Variants in COL19A1 observed in about 807,000 individuals in gnomAD.
The protein encoded by COL19A1 is collagen alpha-1(XIX) chain.
COL19A1 carries 159 observed loss-of-function variants against 190.2 expected under a neutral mutation model. The observed-to-expected ratio is 0.84, with a 90% CI of 0.73 to 0.95. The LOEUF (loss-of-function observed/expected upper bound fraction) is 0.95, where lower values mean the gene tolerates loss of function less well. COL19A1 is among the 40% of genes least tolerant of loss of function. The pLI is 0.00. For missense variants in COL19A1, 1,418 were observed against 1,431.9 expected (o/e 0.99, Z 0.16); for synonymous variants, 509 against 458.9 (o/e 1.11, Z -1.39).
intron 15 of COL19A1, among the ~76,000 whole-genome samples, chr6:70,081,923 G>GT (rs1045551268): frequency 6.6e-6 from 1 of 152,154 alleles, no homozygotes; most frequent in African/African-American, 2.4e-5. Flanking sequence ...AATGTAATGT[G>GT]TTTTTTAATG....
intron 4 of COL19A1, among the ~76,000 whole-genome samples, chr6:69,909,886 A>G (rs749601555): frequency 2.1e-4 from 32 of 152,108 alleles, no homozygotes; most frequent in Non-Finnish European, 4.4e-4. Flanking sequence ...TTTAGACTCC[A>G]TTGCTCACAT....
intron 40 of COL19A1, among the ~76,000 whole-genome samples, chr6:70,170,633 G>A (rs1325868309): frequency 2.0e-5 from 3 of 152,136 alleles, no homozygotes; most frequent in Non-Finnish European, 4.4e-5. Context: ...GAATCAAAGA[G>A]TGTGTTTCCT....
intron 4 of COL19A1, among the ~76,000 whole-genome samples, chr6:69,912,382 C>T (rs1348773565): frequency 1.3e-5 from 2 of 152,194 alleles, no homozygotes; most frequent in Non-Finnish European, 2.9e-5. Flanking sequence ...TTTCTACATA[C>T]ATCACTGCTT....
At chr6:70,193,960 A>G (rs530453138) in intron 48 of COL19A1, among the ~76,000 whole-genome samples, 30 of 152,234 alleles carry the variant, frequency 2.0e-4, no homozygotes, top group Non-Finnish European at 3.7e-4. Flanking sequence ...TCTAAAAGCA[A>G]AGATTAATTT....
At chr6:70,124,552 T>G (rs1785079042) in intron 17 of COL19A1, among the ~76,000 whole-genome samples, 2 of 144,470 alleles carry the variant, frequency 1.4e-5, no homozygotes, top group Non-Finnish European at 3.0e-5. Context: ...TAAGGTTATA[T>G]TTCAAAAAAA....
At chr6:70,091,275 A>G (rs1482014966) in intron 15 of COL19A1, among the ~76,000 whole-genome samples, 1 of 152,136 alleles carries the variant, frequency 6.6e-6, no homozygotes, top group Non-Finnish European at 1.5e-5. Context: ...CCTCACCCTT[A>G]AAATGGGAAT....
At position 70,137,756 on chromosome 6, in the gene COL19A1, T is replaced by G; in HGVS notation, c.1446+9T>G. On this transcript the variant is annotated intron_variant, in intron 19 of 50. Coordinates refer to ENST00000620364, the MANE Select transcript of COL19A1 (RefSeq NM_001858.6). ...GACAAAAAGGAGAACCTGTAAGTATTTTAGCTTTGAGGACAGAGGAAGAAT... is the reference window on the plus strand; with the variant it reads ...GACAAAAAGGAGAACCTGTAAGTATGTTAGCTTTGAGGACAGAGGAAGAAT... 1 of 1,612,778 alleles carries G rather than the reference T, an allele frequency of 6.2e-7. No homozygotes were observed. The highest frequency in any genetic ancestry group is 8.5e-7 in the Non-Finnish European group (1 of 1,179,108).
chr6:70,110,929 G>A (rs1228342476), intron 16 of COL19A1, among the ~76,000 whole-genome samples: 1 of 152,120 alleles, frequency 6.6e-6, no homozygotes, highest in Non-Finnish European at 1.5e-5. Context: ...TGAAATCCTT[G>A]ATCTGTGGTC....
chr6:70,201,125 C>A (rs771255743), intron 49 of COL19A1, among the ~76,000 whole-genome samples: 1 of 152,138 alleles, frequency 6.6e-6, no homozygotes, highest in Non-Finnish European at 1.5e-5. Context: ...TGTAATGCCT[C>A]AAGCCACGTG....
chr6:70,107,226 T>A (rs188518033), intron 16 of COL19A1, among the ~76,000 whole-genome samples: 5 of 152,274 alleles, frequency 3.3e-5, no homozygotes. Context: ...ACTAAGATTA[T>A]TCTTCCTCAA....
intron 9 of COL19A1, among the ~76,000 whole-genome samples, chr6:69,955,444 G>A (rs1419612556): frequency 6.6e-6 from 1 of 151,598 alleles, no homozygotes; most frequent in African/African-American, 2.4e-5. Context: ...TACAAATGTA[G>A]CATATGTAAA....
chr6:69,919,240 A>G (rs1425622284), intron 4 of COL19A1, among the ~76,000 whole-genome samples: 1 of 152,164 alleles, frequency 6.6e-6, no homozygotes, highest in Non-Finnish European at 1.5e-5. Flanking sequence ...CAAGGTGAGA[A>G]TTAATTATTA....
At chr6:70,021,975 T>A (rs1349095623) in intron 11 of COL19A1, among the ~76,000 whole-genome samples, 1 of 152,170 alleles carries the variant, frequency 6.6e-6, no homozygotes. Context: ...TTGTATATTG[T>A]ATGCGTTTCT....
chr6:70,201,217 A>G (rs776708453), intron 49 of COL19A1, among the ~76,000 whole-genome samples: 1 of 152,208 alleles, frequency 6.6e-6, no homozygotes. Context: ...AGACAAGAAC[A>G]ATGGAAAATT....
rs60219800 is a variant in COL19A1, at chr6:70,109,541, A to AGTGTGT, written c.1278+7356_1278+7361dup. Among the ~76,000 whole-genome samples, 206 of 143,984 alleles carry AGTGTGT rather than the reference A, an allele frequency of 1.4e-3. 1 individual carries two copies. The highest frequency in any genetic ancestry group is 2.4e-3 in the African/African-American group (95 of 39,270). 94.5% of individuals were successfully genotyped at this position (143,984 alleles called of 152,430 possible). A position where few individuals can be genotyped will look rare whatever the true frequency, so the allele number is the denominator to read the frequency against. On this transcript the variant is annotated intron_variant, in intron 16 of 50. Transcript: ENST00000620364. ...TAACCAGTTACATCTCCGTTTTGTA[A>AGTGTGT]GTGTGTGTGTGTGTGTGTGTGTGTG...
chr6:70,049,185 G>T (rs1040802743), intron 14 of COL19A1, among the ~76,000 whole-genome samples: 2 of 151,780 alleles, frequency 1.3e-5, no homozygotes, highest in Non-Finnish European at 2.9e-5. Flanking sequence ...CTAAAGTTGC[G>T]TAATTTGTAT....
At chr6:70,098,341 CT>C in intron 15 of COL19A1, 5 of 460,014 alleles carry the variant, frequency 1.1e-5, no homozygotes, top group East Asian at 5.7e-5. Flanking sequence ...CAGTTAGCTC[CT>C]TTTTTAAAAA....
At chr6:69,953,258 T>C (rs1309647463) in intron 9 of COL19A1, among the ~76,000 whole-genome samples, 1 of 152,000 alleles carries the variant, frequency 6.6e-6, no homozygotes, top group African/African-American at 2.4e-5. Context: ...GAATCACCTG[T>C]ATATCTGTGT....
chr6:70,095,864 A>T (rs1292889912), intron 15 of COL19A1, among the ~76,000 whole-genome samples: 1 of 152,002 alleles, frequency 6.6e-6, no homozygotes, highest in Admixed American at 6.6e-5. Context: ...ATGTGACAGG[A>T]TTTTCTTCCC....
Sources: allele counts gnomAD v4.1 joint callset (sites outside exome capture counted in the v4.1 genomes callset), GRCh38; gene constraint gnomAD v4.1.1; transcripts MANE v1.5; gene names NCBI Gene and HGNC (gene_info 2026-07-23, HGNC 2026-07-21).